Variants in SEMA5A observed in about 807,000 individuals in gnomAD.
SEMA5A encodes the protein semaphorin-5A.
In SEMA5A, 55 loss-of-function variants were observed where a neutral mutation model predicts 135.5. That is an observed-to-expected ratio of 0.41 (90% CI 0.33 to 0.51). The LOEUF (loss-of-function observed/expected upper bound fraction) is 0.51, where lower values mean the gene tolerates loss of function less well. Among genes scored for constraint, SEMA5A ranks in the 20% least tolerant of loss-of-function variants. The pLI is 0.37. For synonymous variants in SEMA5A, 580 were observed against 546.5 expected (o/e 1.06, Z -0.85); for missense variants, 1,290 against 1,419.9 (o/e 0.91, Z 1.47).
chr5:9,282,524 G>GA (rs1234308309), intron 5 of SEMA5A, among the ~76,000 whole-genome samples: 2 of 152,060 alleles, frequency 1.3e-5, no homozygotes, highest in African/African-American at 4.8e-5. Flanking sequence ...ACTCCTCTCT[G>GA]AAAAATGAAT....
At chr5:9,293,745 G>A (rs1040557475) in intron 5 of SEMA5A, among the ~76,000 whole-genome samples, 1 of 152,110 alleles carries the variant, frequency 6.6e-6, no homozygotes, top group Admixed American at 6.5e-5. Context: ...TTAGCCCTAT[G>A]TCCAGTACTT....
chr5:9,062,955 T>G lies in SEMA5A; in HGVS notation c.2450A>C (p.Lys817Thr). ...GCCAAGGCAAGGCATTCCCCCATAC[T>G]TGGGTTCGGGGTTGTTGCAAACACG... ...RKRVCNNPEP[K>T]YGGMPCLGPS... Residue 817 changes from lysine to threonine, a missense_variant, in exon 18 of 23, where the codon AAG becomes ACG. By Grantham distance (78) the Lys-to-Thr change is moderately conservative (BLOSUM62 -1). Around this residue, in one of 3 missense-constraint regions of SEMA5A, gnomAD observed 1,029 missense variants for 1,086.6 expected, o/e 0.95. Coordinates refer to ENST00000382496, the MANE Select transcript of SEMA5A (RefSeq NM_003966.3). 2 of 1,614,240 alleles carry G rather than the reference T, an allele frequency of 1.2e-6. No homozygotes were observed. Among genetic ancestry groups the G allele is most frequent in the Non-Finnish European group, 1.7e-6 (2 of 1,180,032 alleles).
chr5:9,169,783 T>G (rs1268923025), intron 11 of SEMA5A, among the ~76,000 whole-genome samples: 1 of 152,148 alleles, frequency 6.6e-6, no homozygotes, highest in Non-Finnish European at 1.5e-5. Flanking sequence ...GCCACTCAAA[T>G]GACACTGCCC....
At chr5:9,478,298 TG>T (rs138555656) in intron 1 of SEMA5A, among the ~76,000 whole-genome samples, 37 of 152,180 alleles carry the variant, frequency 2.4e-4, no homozygotes, top group Non-Finnish European at 5.0e-4. Flanking sequence ...AGGGGCAGTG[TG>T]GGGTTGGAGG....
At chr5:9,062,178 AGATGATG>A (rs1486719778) in intron 18 of SEMA5A, among the ~76,000 whole-genome samples, 1 of 152,202 alleles carries the variant, frequency 6.6e-6, no homozygotes, top group East Asian at 1.9e-4. Context: ...AATCTAGCCT[AGATGATG>A]TCTTTCCCCA....
intron 2 of SEMA5A, among the ~76,000 whole-genome samples, chr5:9,387,983 T>C (rs1046778306): frequency 2.0e-5 from 3 of 152,190 alleles, no homozygotes; most frequent in Non-Finnish European, 2.9e-5. Flanking sequence ...TGAAAGAAGT[T>C]TGTCATAAAT....
At position 9,038,072 on chromosome 5, in the gene SEMA5A, T is replaced by C. The variant is rs1735750762; in HGVS notation, c.*4825A>G. 6.6e-6 allele frequency: 1 copy of C among 152,200 alleles called. No homozygotes were observed. The highest frequency in any genetic ancestry group is 2.1e-4 in the South Asian group (1 of 4,830). The allele number at this position is 152,200 out of a possible 1,614,324, so 9.4% of individuals were successfully genotyped here. ...ATAACCATAGGTAATCAAATATTGG[T>C]AACGTTGTGTCAACATGCTTCCCCA... On this transcript the variant is annotated 3_prime_UTR_variant, in exon 23 of 23. Coordinates refer to ENST00000382496, the MANE Select transcript of SEMA5A (RefSeq NM_003966.3).
Position 9,265,390 on chromosome 5 carries a change from A to C in SEMA5A, c.271-27500T>G, listed in dbSNP as rs750004048. ...CCCTACCAGACCATATAATTTATCTAACAAGTCAATCCCATCCTTCTATGG... is the reference window on the plus strand; with the variant it reads ...CCCTACCAGACCATATAATTTATCTCACAAGTCAATCCCATCCTTCTATGG... On this transcript the variant is annotated intron_variant, in intron 5 of 22. Transcript: ENST00000382496. The C allele has an allele frequency of 1.5e-4, 69 of 455,854 alleles. 1 individual carries two copies. Among genetic ancestry groups the C allele is most frequent in the South Asian group, 1.0e-3 (66 of 64,544 alleles). The allele number at this position is 455,854 out of a possible 1,614,324, so 28.2% of individuals were successfully genotyped here.
chr5:9,510,367 C>T (rs1736139934), intron 1 of SEMA5A, among the ~76,000 whole-genome samples: 1 of 152,176 alleles, frequency 6.6e-6, no homozygotes, highest in Non-Finnish European at 1.5e-5. Context: ...CAGTATTTGA[C>T]AGATTTTGAC....
At chr5:9,130,680 A>G (rs562998507) in intron 13 of SEMA5A, among the ~76,000 whole-genome samples, 16 of 152,352 alleles carry the variant, frequency 1.1e-4, no homozygotes, top group African/African-American at 3.6e-4. Context: ...TTCCAGACAT[A>G]CAAGTAAACC....
intron 16 of SEMA5A, among the ~76,000 whole-genome samples, chr5:9,096,050 A>G (rs560220955): frequency 4.6e-5 from 7 of 152,274 alleles, no homozygotes; most frequent in South Asian, 2.1e-4. Flanking sequence ...GTAGGGTCCT[A>G]TGGTAATTCT....
rs1209065599 is a variant in SEMA5A at position 9,044,617 on chromosome 5, TGAAAA to T, written c.2894-38_2894-34del. On this transcript the variant is annotated intron_variant, in intron 21 of 22. Coordinates refer to ENST00000382496, the MANE Select transcript of SEMA5A (RefSeq NM_003966.3). ...GACATGAGCAAAGTGATGCCACACT[TGAAAA>T]GAACATCCTGCCTAGCTACTCAAAG... The T allele has an allele frequency of 6.4e-6, 10 of 1,567,598 alleles. No homozygotes were observed. In the East Asian group the frequency reaches 9.0e-5, roughly 14 times the overall value.
At chr5:9,071,273 C>T (rs1265337964) in intron 16 of SEMA5A, among the ~76,000 whole-genome samples, 8 of 152,198 alleles carry the variant, frequency 5.3e-5, no homozygotes, top group Non-Finnish European at 8.8e-5. Flanking sequence ...GTACTACAGT[C>T]ATGGCTTCCT....
intron 2 of SEMA5A, among the ~76,000 whole-genome samples, chr5:9,420,810 C>T (rs912747356): frequency 2.6e-5 from 4 of 151,946 alleles, no homozygotes; most frequent in East Asian, 1.9e-4. Context: ...GTCAGGAGTT[C>T]GAGACTAGCC....
At chr5:9,337,903 A>G in intron 3 of SEMA5A, 91 bp from the exon 4 acceptor site, 1 of 865,532 alleles carries the variant, frequency 1.2e-6, no homozygotes, top group Non-Finnish European at 1.8e-6. Flanking sequence ...AGCAGACGTT[A>G]CATTTCAGAG....
intron 2 of SEMA5A, among the ~76,000 whole-genome samples, chr5:9,418,388 CA>C (rs1312779291): frequency 6.6e-6 from 1 of 152,188 alleles, no homozygotes; most frequent in Non-Finnish European, 1.5e-5. Context: ...GTTAGGATTT[CA>C]ACATATGCAT....
At position 9,035,353 on chromosome 5, in the gene SEMA5A, A is replaced by T. The variant is rs1179877866; in HGVS notation, c.*7544T>A. On this transcript the variant is annotated 3_prime_UTR_variant, in exon 23 of 23. Transcript: ENST00000382496. ...CATATTCACTTCTGTAATAATAGCT[A>T]TATATTTTTTCTTATAAACGTGTTT... 1 of 152,178 alleles carries T rather than the reference A, an allele frequency of 6.6e-6. No homozygotes were observed. The highest frequency in any genetic ancestry group is 1.5e-5 in the Non-Finnish European group (1 of 68,030). The allele number at this position is 152,178 out of a possible 1,614,324, so 9.4% of individuals were successfully genotyped here.
chr5:9,434,165 C>T lies in SEMA5A; in HGVS notation c.-78+3591G>A, dbSNP rs374069285. Among the ~76,000 whole-genome samples, 55 of 152,196 alleles carry T rather than the reference C, an allele frequency of 3.6e-4. No homozygotes were observed. In the South Asian group the frequency reaches 8.3e-3, roughly 23 times the overall value. On this transcript the variant is annotated intron_variant, in intron 2 of 22. Transcript: ENST00000382496. Reference sequence around the variant, plus strand: ...GAAATGACATTACAGTGCCTTTACACGATAGAGTATTACATATACATTAAA... The same window carrying T: ...GAAATGACATTACAGTGCCTTTACATGATAGAGTATTACATATACATTAAA...
chr5:9,440,194 A>T (rs1758183184), intron 1 of SEMA5A, among the ~76,000 whole-genome samples: 1 of 152,226 alleles, frequency 6.6e-6, no homozygotes, highest in African/African-American at 2.4e-5. Context: ...GCAGGTCCAG[A>T]AGCAGAGCCC....
Sources: gnomAD v4.1 joint callset for allele counts (sites outside exome capture counted in the v4.1 genomes callset) on GRCh38, gnomAD v4.1.1 for gene constraint, gnomAD v4.1.1 regional missense constraint, MANE v1.5 for transcripts, NCBI Gene and HGNC (gene_info 2026-07-23, HGNC 2026-07-21) for gene names.